The following BANK1 variants were observed in gnomAD, a reference collection of about 807,000 sequenced individuals.
BANK1 encodes B-cell scaffold protein with ankyrin repeats.
BANK1 carries 95 observed loss-of-function variants against 94.5 expected under a neutral mutation model. The observed-to-expected ratio is 1.00, with a 90% CI of 0.85 to 1.19. The LOEUF is 1.19. BANK1 is among the 50% of genes most tolerant of loss of function. The pLI is 0.00. For missense variants in BANK1, 987 were observed against 932.2 expected, an observed-to-expected ratio of 1.06 and a Z score of -0.77; for synonymous variants, 334 against 308.4, an observed-to-expected ratio of 1.08 and a Z score of -0.87.
chr4:101,814,454 CAG>C (rs1725833001), intron 1 of BANK1, among the ~76,000 whole-genome samples: 1 of 152,166 alleles, frequency 6.6e-6, no homozygotes, highest in Non-Finnish European at 1.5e-5. Flanking sequence ...GAAATGCCAA[CAG>C]AGTTTTCTTT....
intron 4 of BANK1, among the ~76,000 whole-genome samples, chr4:101,862,885 T>C (rs1341586204): frequency 6.6e-6 from 1 of 152,074 alleles, no homozygotes; most frequent in African/African-American, 2.4e-5. Flanking sequence ...TGTAATGAAA[T>C]GACATCCAGT....
intron 7 of BANK1, among the ~76,000 whole-genome samples, chr4:101,985,376 C>G (rs1463325314): frequency 6.6e-6 from 1 of 152,106 alleles, no homozygotes; most frequent in East Asian, 1.9e-4. Flanking sequence ...ACAGATCCAT[C>G]CAGAAATAAT....
At chr4:101,994,886 A>T (rs549948407) in intron 7 of BANK1, among the ~76,000 whole-genome samples, 23 of 152,262 alleles carry the variant, frequency 1.5e-4, no homozygotes, top group Admixed American at 5.2e-4. Context: ...CAACAAAAAA[A>T]GTTGTCTCTT....
intron 7 of BANK1, among the ~76,000 whole-genome samples, chr4:101,936,423 G>A (rs1054576902): frequency 1.3e-5 from 2 of 149,860 alleles, no homozygotes; most frequent in Non-Finnish European, 3.0e-5. Context: ...ATGTATACAT[G>A]CATGTATAAG....
intron 2 of BANK1, among the ~76,000 whole-genome samples, chr4:101,851,542 G>A (rs1480758943): frequency 2.6e-5 from 4 of 152,192 alleles, no homozygotes; most frequent in Non-Finnish European, 5.9e-5. Context: ...AGATAGAGTA[G>A]AAGGAGAGGG....
chr4:102,057,489 G>T (rs755900012), intron 11 of BANK1, among the ~76,000 whole-genome samples: 2 of 151,968 alleles, frequency 1.3e-5, no homozygotes, highest in Non-Finnish European at 2.9e-5. Flanking sequence ...CTCCCGAGTA[G>T]CTGGGACTAC....
intron 2 of BANK1, among the ~76,000 whole-genome samples, chr4:101,836,761 C>T (rs1384461971): frequency 6.6e-6 from 1 of 152,088 alleles, no homozygotes; most frequent in East Asian, 1.9e-4. Context: ...GAAGATTCTA[C>T]AAAATAATTG....
At chr4:102,037,039 G>T (rs929352498) in intron 10 of BANK1, 1 of 152,144 alleles carries the variant, frequency 6.6e-6, no homozygotes, top group Admixed American at 6.5e-5. Flanking sequence ...AATGAATTCT[G>T]GTCTTTTTCC....
At chr4:101,921,031 C>T (rs1257126366) in intron 7 of BANK1, among the ~76,000 whole-genome samples, 1 of 151,746 alleles carries the variant, frequency 6.6e-6, no homozygotes, top group Non-Finnish European at 1.5e-5. Flanking sequence ...TCTTACATTG[C>T]TTCATGACAT....
At chr4:101,854,816 T>TAC (rs1239886703) in intron 2 of BANK1, among the ~76,000 whole-genome samples, 1 of 152,194 alleles carries the variant, frequency 6.6e-6, no homozygotes, top group Non-Finnish European at 1.5e-5. Flanking sequence ...AACATAGTAT[T>TAC]ACATAGTTGA....
intron 5 of BANK1, among the ~76,000 whole-genome samples, chr4:101,873,138 A>C (rs751076304): frequency 1.4e-4 from 21 of 152,006 alleles, no homozygotes; most frequent in Non-Finnish European, 2.2e-4. Flanking sequence ...AAATGTGAAT[A>C]TTTTGCCCGT....
chr4:101,936,392 C>T (rs1183762167), intron 7 of BANK1, among the ~76,000 whole-genome samples: 3 of 149,574 alleles, frequency 2.0e-5, no homozygotes, highest in Admixed American at 6.7e-5. Context: ...TGCATACATG[C>T]ATGTATATAT....
At chr4:101,817,149 G>A (rs534352827) in intron 1 of BANK1, among the ~76,000 whole-genome samples, 1 of 152,170 alleles carries the variant, frequency 6.6e-6, no homozygotes, top group African/African-American at 2.4e-5. Flanking sequence ...AATGCAAAGA[G>A]GCCCATCTAA....
intron 1 of BANK1, among the ~76,000 whole-genome samples, chr4:101,819,932 A>G (rs1262849191): frequency 6.6e-6 from 1 of 152,202 alleles, no homozygotes; most frequent in Non-Finnish European, 1.5e-5. Context: ...GAAGAGGAGA[A>G]GGATAAGGAG....
At chr4:101,944,575 A>G (rs1723868914) in intron 7 of BANK1, among the ~76,000 whole-genome samples, 1 of 151,960 alleles carries the variant, frequency 6.6e-6, no homozygotes, top group Non-Finnish European at 1.5e-5. Context: ...TAGTTATTCA[A>G]GAACTCTAGA....
intron 2 of BANK1, among the ~76,000 whole-genome samples, chr4:101,852,470 C>CCATATATATATATA (rs1553927036): frequency 9.6e-6 from 1 of 103,794 alleles, no homozygotes; most frequent in Non-Finnish European, 1.8e-5. Context: ...TATTTTTCGG[C>CCATATATATATATA]TATATATATA....
At chr4:101,867,778 A>G (rs949865775) in intron 4 of BANK1, among the ~76,000 whole-genome samples, 7 of 150,646 alleles carry the variant, frequency 4.6e-5, no homozygotes, top group Non-Finnish European at 3.0e-5. Flanking sequence ...AAATAAATAA[A>G]TAAATAAATA....
chr4:101,995,694 A>G (rs1725854569), intron 7 of BANK1, among the ~76,000 whole-genome samples: 1 of 152,210 alleles, frequency 6.6e-6, no homozygotes, highest in Non-Finnish European at 1.5e-5. Flanking sequence ...TCTAATGACC[A>G]GTGATGATGA....
At position 102,021,608 on chromosome 4, in the gene BANK1, T is replaced by TTTTA; in HGVS notation, c.1285+17_1285+18insTTAT. The TTTTA allele has an allele frequency of 3.1e-6, 3 of 960,878 alleles. No homozygotes were observed. The highest frequency in any genetic ancestry group is 4.5e-6 in the Non-Finnish European group (3 of 660,324). 59.5% of individuals were successfully genotyped at this position (960,878 alleles called of 1,614,324 possible). On this transcript the variant is annotated intron_variant, in intron 8 of 16. Transcript: ENST00000322953. The stretch of plus-strand genomic sequence containing the variant: ...TATATTCCTTGTAAGTTTTTCCATG[T>TTTTA]TATATATATATATGACATATTCATA...
Sources: gnomAD v4.1 joint callset for allele counts (sites outside exome capture counted in the v4.1 genomes callset) on GRCh38, gnomAD v4.1.1 for gene constraint, MANE v1.5 for transcripts, NCBI Gene and HGNC (gene_info 2026-07-23, HGNC 2026-07-21) for gene names.